Variants in ERBB4 observed in about 807,000 individuals in gnomAD.
The protein encoded by ERBB4 is receptor tyrosine-protein kinase erbB-4.
A neutral mutation model predicts 158.0 loss-of-function variants in ERBB4; 42 were observed. That is an observed-to-expected ratio of 0.27 (90% confidence interval 0.21 to 0.34). The LOEUF (loss-of-function observed/expected upper bound fraction) is 0.34. ERBB4 is among the 10% of genes least tolerant of loss of function. The pLI is 1.00. For missense variants in ERBB4, 1,333 were observed against 1,624.1 expected (o/e 0.82, Z 3.08); for synonymous variants, 583 against 558.7 (o/e 1.04, Z -0.61).
intron 2 of ERBB4, among the ~76,000 whole-genome samples, chr2:211,959,896 G>A (rs146207228): frequency 5.3e-4 from 80 of 152,076 alleles, no homozygotes; most frequent in African/African-American, 1.6e-3. Flanking sequence ...GGAATAACAC[G>A]TTTAAGATGC....
intron 20 of ERBB4, among the ~76,000 whole-genome samples, chr2:211,446,889 G>A: frequency 6.6e-6 from 1 of 151,890 alleles, no homozygotes; most frequent in East Asian, 1.9e-4. Context: ...GTCTCCTACT[G>A]GATTTAATTT....
chr2:212,510,367 T>A (rs1270707504), intron 1 of ERBB4, among the ~76,000 whole-genome samples: 1 of 151,632 alleles, frequency 6.6e-6, no homozygotes, highest in Admixed American at 6.6e-5. Context: ...TTTGACAAGG[T>A]GCAGAAGAAA....
intron 19 of ERBB4, among the ~76,000 whole-genome samples, chr2:211,562,682 T>A (rs1040492631): frequency 6.6e-6 from 1 of 152,146 alleles, no homozygotes; most frequent in Non-Finnish European, 1.5e-5. Context: ...TCCTCAAATT[T>A]ATTTCATTTT....
chr2:211,623,126 T>C (rs2069699379), intron 18 of ERBB4, among the ~76,000 whole-genome samples: 1 of 147,784 alleles, frequency 6.8e-6, no homozygotes, highest in Non-Finnish European at 1.5e-5. Flanking sequence ...AGTTTCTTAA[T>C]CTTGTTATTT....
intron 1 of ERBB4, among the ~76,000 whole-genome samples, chr2:212,360,414 G>A (rs1290931354): frequency 6.6e-6 from 1 of 151,486 alleles, no homozygotes; most frequent in Non-Finnish European, 1.5e-5. Flanking sequence ...CATCTCTACA[G>A]GTTTACCTTT....
intron 22 of ERBB4, among the ~76,000 whole-genome samples, chr2:211,424,971 A>G (rs1210431167): frequency 6.6e-6 from 1 of 152,172 alleles, no homozygotes; most frequent in Non-Finnish European, 1.5e-5. Context: ...TTCTTGAATC[A>G]CTGGGACATT....
At chr2:212,292,934 A>G (rs952734982) in intron 1 of ERBB4, among the ~76,000 whole-genome samples, 3 of 151,840 alleles carry the variant, frequency 2.0e-5, no homozygotes, top group Non-Finnish European at 2.9e-5. Flanking sequence ...AATCAACAAA[A>G]TAAATGGTCC....
intron 1 of ERBB4, among the ~76,000 whole-genome samples, chr2:212,158,245 A>G (rs1179350710): frequency 1.3e-5 from 2 of 152,004 alleles, no homozygotes; most frequent in East Asian, 1.9e-4. Flanking sequence ...TGGTCAGATG[A>G]GCACACATGC....
intron 20 of ERBB4, among the ~76,000 whole-genome samples, chr2:211,517,594 T>G (rs13413659): frequency 0.084 from 12,727 of 152,210 alleles, 1,296 homozygotes; most frequent in East Asian, 0.27. Context: ...TCATAAAAGA[T>G]TAGGCACACC....
chr2:211,721,443 CAAAAAAAAAA>C (rs71054136), intron 7 of ERBB4, among the ~76,000 whole-genome samples: 1 of 54,500 alleles, frequency 1.8e-5, no homozygotes, highest in Admixed American at 2.9e-4. Flanking sequence ...TTACTCAAAG[CAAAAAAAAAA>C]AAAAAAAAAA....
At chr2:211,563,018 G>A (rs896592747) in intron 19 of ERBB4, among the ~76,000 whole-genome samples, 26 of 152,046 alleles carry the variant, frequency 1.7e-4, no homozygotes, top group African/African-American at 4.6e-4. Context: ...TGATCCGCCC[G>A]CCTCGGCCTC....
chr2:212,111,256 G>T (rs935143363), intron 2 of ERBB4, among the ~76,000 whole-genome samples: 1 of 152,064 alleles, frequency 6.6e-6, no homozygotes, highest in Admixed American at 6.5e-5. Context: ...AATGATTATT[G>T]AATACATCTC....
chr2:212,145,560 T>TTCCAGTG (rs1489416337), intron 1 of ERBB4, among the ~76,000 whole-genome samples: 1 of 152,080 alleles, frequency 6.6e-6, no homozygotes, highest in Admixed American at 6.6e-5. Context: ...CTATTCAGAC[T>TTCCAGTG]TCCAGTGATA....
At chr2:211,743,224 G>C (rs1575082013) in intron 5 of ERBB4, among the ~76,000 whole-genome samples, 1 of 152,134 alleles carries the variant, frequency 6.6e-6, no homozygotes, top group East Asian at 1.9e-4. Flanking sequence ...ACTAAAGAGT[G>C]TATTGAGTGG....
At chr2:211,472,899 A>G (rs1390755775) in intron 20 of ERBB4, among the ~76,000 whole-genome samples, 1 of 150,826 alleles carries the variant, frequency 6.6e-6, no homozygotes, top group Non-Finnish European at 1.5e-5. Context: ...AATAATATAA[A>G]TATTATTTAT....
intron 1 of ERBB4, among the ~76,000 whole-genome samples, chr2:212,254,589 A>G (rs1252628322): frequency 1.3e-5 from 2 of 152,132 alleles, no homozygotes; most frequent in Non-Finnish European, 2.9e-5. Flanking sequence ...GTGTTGTCTC[A>G]GAAGAGCTCC....
chr2:211,650,240 C>A (rs2070934148), intron 16 of ERBB4, among the ~76,000 whole-genome samples: 1 of 151,958 alleles, frequency 6.6e-6, no homozygotes, highest in South Asian at 2.1e-4. Flanking sequence ...AAACTTTGAT[C>A]TCTACTTAAG....
In ERBB4 at chr2:211,993,295, G is replaced by A. The variant is rs374873770; in HGVS notation, c.235-45679C>T. On this transcript the variant is annotated intron_variant, in intron 2 of 27. Coordinates refer to ENST00000342788, the MANE Select transcript of ERBB4 (RefSeq NM_005235.3). ...AACACTTGAGATTCATGCTCACAGCGGAAAAGCCATGTGAAGACACGACGA... is the reference window on the plus strand; with the variant it reads ...AACACTTGAGATTCATGCTCACAGCAGAAAAGCCATGTGAAGACACGACGA... 2.2e-4 allele frequency among the ~76,000 whole-genome samples: 34 copies of A among 152,254 alleles called. No homozygotes were observed. In the East Asian group the frequency reaches 5.6e-3, roughly 25 times the overall value.
At chr2:212,221,888 T>A (rs2083301548) in intron 1 of ERBB4, among the ~76,000 whole-genome samples, 1 of 151,422 alleles carries the variant, frequency 6.6e-6, no homozygotes, top group South Asian at 2.1e-4. Flanking sequence ...CGGTTCTCTA[T>A]CTCTTGATAT....
Sources: gnomAD v4.1 joint callset for allele counts (sites outside exome capture counted in the v4.1 genomes callset) on GRCh38, gnomAD v4.1.1 for gene constraint, MANE v1.5 for transcripts, NCBI Gene and HGNC (gene_info 2026-07-23, HGNC 2026-07-21) for gene names.